CHRNA7: variants seen among roughly 807,000 people sequenced by gnomAD.
The protein encoded by CHRNA7 is neuronal acetylcholine receptor subunit alpha-7.
Under a neutral mutation model 48.0 loss-of-function variants are expected in CHRNA7, and 17 were observed. That is an observed-to-expected ratio of 0.35 (90% CI 0.24 to 0.53). The LOEUF (loss-of-function observed/expected upper bound fraction) is 0.53. Ranked by LOEUF, CHRNA7 falls within the 20% of genes least tolerant of loss-of-function variation. CHRNA7 has a pLI of 0.92. For missense variants in CHRNA7, 155 were observed against 577.7 expected (o/e 0.27, Z 7.50); for synonymous variants, 75 against 242.3 (o/e 0.31, Z 6.41).
At chr15:32,145,093 G>A (rs920691732) in intron 4 of CHRNA7, among the ~76,000 whole-genome samples, 4 of 152,196 alleles carry the variant, frequency 2.6e-5, no homozygotes, top group Non-Finnish European at 1.5e-5. Context: ...TACAGATGGG[G>A]TTTTGGTGTG....
chr15:32,133,857 GC>G (rs919365928), intron 4 of CHRNA7, among the ~76,000 whole-genome samples: 2 of 152,132 alleles, frequency 1.3e-5, no homozygotes, highest in African/African-American at 4.8e-5. Context: ...TCCCCCTCCG[GC>G]CAGGTCCACA....
intron 3 of CHRNA7, chr15:32,102,452 C>A (rs1047772135): frequency 2.0e-5 from 3 of 152,116 alleles, no homozygotes; most frequent in Non-Finnish European, 4.4e-5. Context: ...GGCCGAAAGT[C>A]TTTTATTAAT....
chr15:32,089,833 T>C (rs2050354690), intron 2 of CHRNA7, among the ~76,000 whole-genome samples: 1 of 152,230 alleles, frequency 6.6e-6, no homozygotes, highest in Non-Finnish European at 1.5e-5. Flanking sequence ...CGAATTCATG[T>C]GACAGGTAGT....
chr15:32,037,973 C>T lies in CHRNA7; in HGVS notation c.195+6936C>T, dbSNP rs528983515. Reference sequence around the variant, plus strand: ...TTGAAAGGAGTGGGAGAGGGGACAACCTTGACTTGTTCCTAATCTTAGTGG... The same window carrying T: ...TTGAAAGGAGTGGGAGAGGGGACAATCTTGACTTGTTCCTAATCTTAGTGG... On this transcript the variant is annotated intron_variant, in intron 2 of 9. Transcript: ENST00000306901. 2.5e-3 allele frequency among the ~76,000 whole-genome samples: 372 copies of T among 150,606 alleles called. 2 individuals are homozygous for T. Among genetic ancestry groups the T allele is most frequent in the African/African-American group, 8.6e-3 (355 of 41,196 alleles).
chr15:32,125,019 T>A (rs552259173), intron 4 of CHRNA7, among the ~76,000 whole-genome samples: 35 of 152,298 alleles, frequency 2.3e-4, no homozygotes, highest in Non-Finnish European at 7.4e-5. Flanking sequence ...ACAACAGCTA[T>A]CACTGCTTTC....
chr15:32,061,003 G>C (rs985935645), intron 2 of CHRNA7, among the ~76,000 whole-genome samples: 1 of 152,160 alleles, frequency 6.6e-6, no homozygotes, highest in Non-Finnish European at 1.5e-5. Context: ...GGAGAGCTTT[G>C]GATTCATCAC....
intron 2 of CHRNA7, among the ~76,000 whole-genome samples, chr15:32,085,860 T>G (rs1393396838): frequency 6.6e-6 from 1 of 152,228 alleles, no homozygotes; most frequent in Non-Finnish European, 1.5e-5. Context: ...TTGAACATGT[T>G]ACTTCATTGA....
intron 4 of CHRNA7, among the ~76,000 whole-genome samples, chr15:32,113,699 AT>A (rs1212222731): frequency 1.3e-5 from 2 of 152,192 alleles, no homozygotes; most frequent in African/African-American, 4.8e-5. Flanking sequence ...AGGCAGAATG[AT>A]GAGGATTCCT....
rs2050769229 is a variant in CHRNA7, at chr15:32,111,956, C to G, written c.350+57C>G. On this transcript the variant is annotated intron_variant, in intron 4 of 9. Transcript: ENST00000306901. ...TTTATGCTTGCATACATGTAGCTAT[C>G]ACGTATATTTGAATATTTCACAGAG... The G allele has an allele frequency of 4.0e-6, 4 of 1,002,762 alleles. No homozygotes were observed. In the East Asian group the frequency reaches 9.5e-5, roughly 24 times the overall value. The allele number at this position is 1,002,762 out of a possible 1,614,324, so 62.1% of individuals were successfully genotyped here.
chr15:32,097,447 C>T (rs1026153929), intron 2 of CHRNA7, among the ~76,000 whole-genome samples: 6 of 152,226 alleles, frequency 3.9e-5, no homozygotes, highest in Admixed American at 2.0e-4. Flanking sequence ...AGAGACCTCC[C>T]GCGCCCCTTC....
intron 4 of CHRNA7, among the ~76,000 whole-genome samples, chr15:32,132,695 C>A (rs941109740): frequency 6.6e-6 from 1 of 152,044 alleles, no homozygotes; most frequent in African/African-American, 2.4e-5. Flanking sequence ...GAGAGGGGCA[C>A]GTGCTGGCTT....
intron 2 of CHRNA7, among the ~76,000 whole-genome samples, chr15:32,097,300 A>G (rs941997649): frequency 6.6e-6 from 1 of 152,132 alleles, no homozygotes. Flanking sequence ...CCACTTTCAC[A>G]GTGCAATGGT....
At position 32,111,850 on chromosome 15, in the gene CHRNA7, C is replaced by G; in HGVS notation, c.301C>G (p.Arg101Gly). The G allele has an allele frequency of 6.2e-7, 1 of 1,613,794 alleles. No individual in the cohort carries two copies. Among genetic ancestry groups the G allele is most frequent in the South Asian group, 1.1e-5 (1 of 91,068 alleles). The change falls in exon 4 of 10, where the codon CGT (arginine) becomes GGT (glycine). Residue 101 changes from arginine (R) to glycine (G), a missense_variant. Arg to Gly is a moderately radical substitution (Grantham distance 125). Coordinates refer to ENST00000306901, the MANE Select transcript of CHRNA7 (RefSeq NM_000746.6). ...AGAATATCCAGGGGTGAAGACTGTT[C>G]GTTTCCCAGATGGCCAGATTTGGAA... ...VSEYPGVKTV[R>G]FPDGQIWKPD... is the part of the protein sequence containing the mutation.
intron 2 of CHRNA7, among the ~76,000 whole-genome samples, chr15:32,063,877 A>G (rs924552800): frequency 1.3e-5 from 2 of 152,344 alleles, no homozygotes; most frequent in South Asian, 2.1e-4. Context: ...GCTATCAACT[A>G]GAGAATTTCC....
chr15:32,119,119 A>G (rs1346460800), intron 4 of CHRNA7, among the ~76,000 whole-genome samples: 1 of 152,190 alleles, frequency 6.6e-6, no homozygotes. Context: ...ATGGTCTTCA[A>G]ACTAGTTTTC....
chr15:32,067,099 G>T (rs1017398854), intron 2 of CHRNA7, among the ~76,000 whole-genome samples: 1 of 152,140 alleles, frequency 6.6e-6, no homozygotes, highest in African/African-American at 2.4e-5. Context: ...AAAGAAAGGG[G>T]CAGAAAGAAT....
chr15:32,053,475 A>G (rs965114621), intron 2 of CHRNA7, among the ~76,000 whole-genome samples: 3 of 152,212 alleles, frequency 2.0e-5, no homozygotes, highest in Non-Finnish European at 4.4e-5. Flanking sequence ...TTATTCAGTT[A>G]ACATCAGTTA....
At chr15:32,084,614 A>G (rs988679234) in intron 2 of CHRNA7, among the ~76,000 whole-genome samples, 8 of 152,244 alleles carry the variant, frequency 5.3e-5, no homozygotes, top group Admixed American at 4.6e-4. Context: ...CAAGTCTTTA[A>G]TAAATGTGAA....
At chr15:32,053,662 T>C (rs2049732797) in intron 2 of CHRNA7, among the ~76,000 whole-genome samples, 1 of 152,230 alleles carries the variant, frequency 6.6e-6, no homozygotes, top group South Asian at 2.1e-4. Flanking sequence ...CTAATTAAGT[T>C]TCCAAGATCT....
Sources: allele counts gnomAD v4.1 joint callset (sites outside exome capture counted in the v4.1 genomes callset), GRCh38; gene constraint gnomAD v4.1.1; transcripts MANE v1.5; gene names NCBI Gene and HGNC (gene_info 2026-07-23, HGNC 2026-07-21).